Variants in RHEB observed in about 807,000 individuals in gnomAD.
RHEB encodes Ras homolog, mTORC1 binding.
Under a neutral mutation model 28.8 loss-of-function variants are expected in RHEB, and 2 were observed. The ratio of observed to expected loss-of-function variants is 0.07; its 90% CI spans 0.03 to 0.22. The LOEUF is 0.22. Ranked by LOEUF, RHEB falls within the 10% of genes least tolerant of loss-of-function variation. RHEB has a pLI of 1.00. For synonymous variants in RHEB, 69 were observed against 77.3 expected, an observed-to-expected ratio of 0.89 and a Z score of 0.56; for missense variants, 76 against 219.9, an observed-to-expected ratio of 0.35 and a Z score of 4.14.
intron 1 of RHEB, among the ~76,000 whole-genome samples, chr7:151,492,748 T>C (rs1326214915): frequency 1.3e-5 from 2 of 152,118 alleles, no homozygotes; most frequent in Non-Finnish European, 2.9e-5. Flanking sequence ...CCTGAAATTA[T>C]TCTCTACAAA....
intron 1 of RHEB, chr7:151,503,267 T>C: frequency 3.8e-6 from 3 of 783,054 alleles, no homozygotes; most frequent in South Asian, 2.7e-5. Context: ...ATCGAGAGCA[T>C]GCCCCTGTTG....
intron 1 of RHEB, chr7:151,519,248 G>A: frequency 4.4e-6 from 1 of 226,492 alleles, no homozygotes; most frequent in Admixed American, 5.9e-5. Context: ...CCGGCCCGCG[G>A]AGGGCGCCCA....
intron 2 of RHEB, among the ~76,000 whole-genome samples, chr7:151,485,538 A>G (rs565818874): frequency 1.5e-4 from 23 of 152,344 alleles, no homozygotes; most frequent in Non-Finnish European, 3.1e-4. Flanking sequence ...GAACAGATTT[A>G]TCTTGCATAC....
intron 2 of RHEB, among the ~76,000 whole-genome samples, chr7:151,487,227 G>A (rs887453243): frequency 9.9e-5 from 15 of 152,186 alleles, no homozygotes; most frequent in African/African-American, 3.4e-4. Context: ...TTTAAGCCCA[G>A]GTATTCAAGG....
intron 1 of RHEB, among the ~76,000 whole-genome samples, chr7:151,514,908 G>T (rs965655422): frequency 4.6e-5 from 7 of 151,888 alleles, no homozygotes; most frequent in Non-Finnish European, 1.0e-4. Context: ...GTGTGATGGC[G>T]CACACCTGCA....
At position 151,471,592 on chromosome 7, in the gene RHEB, T is replaced by C; in HGVS notation, c.289A>G (p.Lys97Glu). Residue 97 changes from lysine (K) to glutamate (E), a missense_variant, in exon 5 of 8, where the codon AAA (lysine) becomes GAA (glutamate). Transcript: ENST00000262187. ...VTSIKSFEVI[K>E]VIHGKLLDMV... is the part of the protein sequence containing the mutation. ...TCCAACAATTTGCCATGGATAACTT[T>C]AATCACTTCAAAACTATAAAACAAA... The C allele has an allele frequency of 6.2e-7, 1 of 1,600,808 alleles. No homozygotes were observed. The highest frequency in any genetic ancestry group is 8.5e-7 in the Non-Finnish European group (1 of 1,170,904).
At chr7:151,477,084 T>C (rs114100947) in intron 4 of RHEB, among the ~76,000 whole-genome samples, 2 of 152,120 alleles carry the variant, frequency 1.3e-5, no homozygotes, top group Non-Finnish European at 2.9e-5. Context: ...AAAGCTTAGA[T>C]CATGCTGAAC....
intron 7 of RHEB, 144 bp from the exon 8 acceptor site, chr7:151,467,355 G>C: frequency 1.6e-6 from 1 of 636,484 alleles, no homozygotes; most frequent in Admixed American, 2.6e-5. Context: ...GAACTTCAGG[G>C]CCCCCCGACG....
At chr7:151,506,128 T>C (rs1802873422) in intron 1 of RHEB, among the ~76,000 whole-genome samples, 1 of 152,022 alleles carries the variant, frequency 6.6e-6, no homozygotes, top group African/African-American at 2.4e-5. Flanking sequence ...TATATGTAAA[T>C]TACACCTCAA....
intron 6 of RHEB, 26 bp from the exon 7 acceptor site, chr7:151,470,678 A>C: frequency 2.0e-6 from 3 of 1,488,574 alleles, no homozygotes; most frequent in Non-Finnish European, 2.8e-6. Flanking sequence ...AATTCTAGTT[A>C]AAGTACTTTG....
intron 1 of RHEB, chr7:151,502,886 C>G (rs1802797672): frequency 8.3e-6 from 7 of 844,336 alleles, no homozygotes; most frequent in East Asian, 2.4e-5. Context: ...TATGTTTGAT[C>G]AGAGGTTACA....
intron 3 of RHEB, among the ~76,000 whole-genome samples, chr7:151,480,496 G>T (rs1284984953): frequency 6.6e-6 from 1 of 151,944 alleles, no homozygotes. Flanking sequence ...GGTTGCTGGT[G>T]GGGGTGGGGG....
At chr7:151,511,334 C>T (rs1802984870) in intron 1 of RHEB, among the ~76,000 whole-genome samples, 1 of 152,186 alleles carries the variant, frequency 6.6e-6, no homozygotes, top group Non-Finnish European at 1.5e-5. Flanking sequence ...CATGAGGAGT[C>T]CTTCTGCAAA....
chr7:151,478,498 A>G (rs911442329), intron 3 of RHEB, among the ~76,000 whole-genome samples: 2 of 152,182 alleles, frequency 1.3e-5, no homozygotes, highest in Non-Finnish European at 2.9e-5. Context: ...CAGCTAGAGT[A>G]GGTTCAAAGT....
chr7:151,504,443 A>G (rs1229531550), intron 1 of RHEB, among the ~76,000 whole-genome samples: 2 of 152,204 alleles, frequency 1.3e-5, no homozygotes, highest in East Asian at 1.9e-4. Flanking sequence ...CAGAATCTGC[A>G]TATATGAAAA....
At position 151,466,108 on chromosome 7, in the gene RHEB, G is replaced by A. The variant is rs1458356046; in HGVS notation, c.*1011C>T. 6 of 152,180 alleles carry A rather than the reference G, an allele frequency of 3.9e-5. No individual in the cohort carries two copies. Among genetic ancestry groups the A allele is most frequent in the Non-Finnish European group, 7.4e-5 (5 of 68,026 alleles). The allele number at this position is 152,180 out of a possible 1,614,324, so 9.4% of individuals were successfully genotyped here. A position where few individuals can be genotyped will look rare whatever the true frequency, so the allele number is the denominator to read the frequency against. ...GAAATTTTAGCTGCAAAAGGGAATC[G>A]TTTAAAAAGCACTGCTCAACTCCAA... On this transcript the variant is annotated 3_prime_UTR_variant, in exon 8 of 8. Coordinates refer to ENST00000262187, the MANE Select transcript of RHEB (RefSeq NM_005614.4).
intron 1 of RHEB, among the ~76,000 whole-genome samples, chr7:151,513,436 C>T (rs550471004): frequency 5.9e-5 from 9 of 152,310 alleles, no homozygotes; most frequent in South Asian, 2.1e-4. Flanking sequence ...CCACTCATAG[C>T]GAACAGTGTT....
In RHEB at chr7:151,470,648, T is replaced by C. The variant is rs892648960; in HGVS notation, c.385A>G (p.Ile129Val). Residue 129 changes from isoleucine to valine, a missense_variant, in exon 7 of 8, where the codon ATC becomes GTC. Coordinates refer to ENST00000262187, the MANE Select transcript of RHEB (RefSeq NM_005614.4). ...NKKDLHMERV[I>V]SYEEGKALAE... ...AAAGCTTTCCCTTCTTCATAACTGA[T>C]CACCCTAAAGAAAAAATAAAATTCT... 2 of 1,608,310 alleles carry C rather than the reference T, an allele frequency of 1.2e-6. No homozygotes were observed. Among genetic ancestry groups the C allele is most frequent in the Non-Finnish European group, 1.7e-6 (2 of 1,175,468 alleles).
intron 1 of RHEB, chr7:151,503,448 T>G: frequency 8.4e-7 from 1 of 1,195,662 alleles, no homozygotes; most frequent in East Asian, 2.4e-5. Flanking sequence ...ATGAATTTTT[T>G]GACCTTGATG....
Sources: allele counts gnomAD v4.1 joint callset (sites outside exome capture counted in the v4.1 genomes callset), GRCh38; gene constraint gnomAD v4.1.1; transcripts MANE v1.5; gene names NCBI Gene and HGNC (gene_info 2026-07-23, HGNC 2026-07-21).